MREG: variants seen among roughly 807,000 people sequenced by gnomAD.
MREG encodes the protein dilute suppressor protein homolog.
In MREG, 31 loss-of-function variants were observed where a neutral mutation model predicts 28.5. The observed-to-expected ratio is 1.09, with a 90% CI of 0.82 to 1.47. The LOEUF is 1.47. Among genes scored for constraint, MREG ranks in the 40% most tolerant of loss-of-function variants. The probability of loss-of-function intolerance (pLI) is 0.00; values close to 1 mark genes in which losing one functional copy is unlikely to be tolerated. For missense variants in MREG, 256 were observed against 257.4 expected, an observed-to-expected ratio of 0.99 and a Z score of 0.04; for synonymous variants, 106 against 95.2, an observed-to-expected ratio of 1.11 and a Z score of -0.66.
upstream of MREG, among the ~76,000 whole-genome samples, chr2:216,014,678 T>G (rs960449854): frequency 2.6e-5 from 4 of 151,918 alleles, no homozygotes; most frequent in African/African-American, 9.7e-5. Context: ...TAAAGATATA[T>G]ATATCTATTG....
chr2:216,033,408 G>T (rs1236586679), upstream of MREG, among the ~76,000 whole-genome samples: 1 of 152,054 alleles, frequency 6.6e-6, no homozygotes, highest in Non-Finnish European at 1.5e-5. Context: ...TAGAAGCTGG[G>T]ATTCGAACCC....
chr2:216,003,642 T>C (rs1574646327), intron 1 of MREG, among the ~76,000 whole-genome samples: 1 of 152,184 alleles, frequency 6.6e-6, no homozygotes, highest in East Asian at 1.9e-4. Context: ...ACAAGCTCAG[T>C]GTGGTCCCGA....
chr2:215,996,257 T>C, intron 2 of MREG, 49 bp downstream of exon 2: 1 of 1,531,648 alleles, frequency 6.5e-7, no homozygotes, highest in Non-Finnish European at 8.8e-7. Flanking sequence ...TTACTATTTT[T>C]TACTATATAG....
intron 2 of MREG, among the ~76,000 whole-genome samples, chr2:215,961,733 C>A (rs537070571): frequency 6.6e-6 from 1 of 152,114 alleles, no homozygotes; most frequent in Non-Finnish European, 1.5e-5. Context: ...AGCCTCTCCT[C>A]CTTTTTGACC....
At chr2:215,968,378 GTT>G (rs1693002137) in intron 2 of MREG, among the ~76,000 whole-genome samples, 1 of 152,170 alleles carries the variant, frequency 6.6e-6, no homozygotes, top group Non-Finnish European at 1.5e-5. Context: ...TTTTTCAAAT[GTT>G]GCCTCACAAC....
chr2:215,951,019 C>G (rs965257678), intron 2 of MREG, among the ~76,000 whole-genome samples: 1 of 152,052 alleles, frequency 6.6e-6, no homozygotes, highest in African/African-American at 2.4e-5. Flanking sequence ...GTCTCTTTCT[C>G]TCTCTCTCTC....
upstream of MREG, among the ~76,000 whole-genome samples, chr2:216,015,438 G>T (rs1341535305): frequency 6.6e-6 from 1 of 152,146 alleles, no homozygotes; most frequent in African/African-American, 2.4e-5. Context: ...GAGAGAAGGG[G>T]GCCATGGAAA....
chr2:215,950,942 TAG>T (rs1165964827), intron 2 of MREG, among the ~76,000 whole-genome samples: 2 of 152,186 alleles, frequency 1.3e-5, no homozygotes, highest in Non-Finnish European at 2.9e-5. Context: ...TGTCTCGTGA[TAG>T]AGTTTTCACA....
chr2:215,945,621 T>C lies in MREG; in HGVS notation c.460A>G (p.Asn154Asp). The part of the protein sequence containing the change: ...EMLLKLAEET[N>D]IFPTSWELSE... ...AGCTCCCAACTTGTTGGGAAAATAT[T>C]GGTTTCTTCAGCCAGTTTTAACAAC... Residue 154 changes from asparagine (N) to aspartate (D), a missense_variant, in exon 4 of 5, where the codon AAT becomes GAT. Coordinates refer to ENST00000263268, the MANE Select transcript of MREG (RefSeq NM_018000.3). The C allele has an allele frequency of 6.2e-7, 1 of 1,613,966 alleles. No individual in the cohort carries two copies. Among genetic ancestry groups the C allele is most frequent in the Non-Finnish European group, 8.5e-7 (1 of 1,179,864 alleles).
intron 2 of MREG, among the ~76,000 whole-genome samples, chr2:215,995,778 TAG>T (rs954825063): frequency 2.0e-5 from 3 of 152,192 alleles, no homozygotes; most frequent in Non-Finnish European, 4.4e-5. Context: ...ACTTTGGATT[TAG>T]AGTTATTGTG....
Position 215,945,747 on chromosome 2 carries a change from A to G in MREG, c.347-13T>C, listed in dbSNP as rs1461504470. On this transcript the variant is annotated splice_polypyrimidine_tract_variant and intron_variant, in intron 3 of 4. Transcript: ENST00000263268. ...TCCTTTTGAAAACCTAAGGTAGAAA[A>G]ATGGACCACTCATGTAAAGTAGTCC... 4 of 1,609,750 alleles carry G rather than the reference A, an allele frequency of 2.5e-6. No homozygotes were observed. Among genetic ancestry groups the G allele is most frequent in the Non-Finnish European group, 3.4e-6 (4 of 1,177,606 alleles).
chr2:215,991,812 C>T (rs536196162), intron 2 of MREG, among the ~76,000 whole-genome samples: 39 of 152,266 alleles, frequency 2.6e-4, no homozygotes, highest in African/African-American at 8.4e-4. Flanking sequence ...TGGATAAATT[C>T]CCGGACACAT....
At chr2:215,951,510 A>G (rs1266222164) in intron 2 of MREG, among the ~76,000 whole-genome samples, 2 of 152,196 alleles carry the variant, frequency 1.3e-5, no homozygotes, top group Non-Finnish European at 2.9e-5. Flanking sequence ...TTTTTCCTTA[A>G]TTTCTGAAAT....
chr2:216,007,742 C>CTTT lies in MREG; in HGVS notation c.95+5488_95+5490dup, dbSNP rs35798836. Among the ~76,000 whole-genome samples, 571 of 148,952 alleles carry CTTT rather than the reference C, an allele frequency of 3.8e-3. 3 individuals carry two copies. Among genetic ancestry groups the CTTT allele is most frequent in the East Asian group, 0.012 (60 of 5,090 alleles). ...ACTGCACCCAACCCCCACTTAGCGG[C>CTTT]TTTTTTTTTGCATTTTTGTACTTTT... On this transcript the variant is annotated intron_variant, in intron 1 of 4. Transcript: ENST00000263268.
At chr2:215,970,572 C>A (rs959846750) in intron 2 of MREG, among the ~76,000 whole-genome samples, 2 of 152,190 alleles carry the variant, frequency 1.3e-5, no homozygotes, top group Non-Finnish European at 2.9e-5. Context: ...GTCTCTTACT[C>A]ATCTGCACAG....
At chr2:215,979,600 A>G (rs1693364264) in intron 2 of MREG, among the ~76,000 whole-genome samples, 1 of 151,970 alleles carries the variant, frequency 6.6e-6, no homozygotes, top group South Asian at 2.1e-4. Context: ...AACAGCATTG[A>G]CACCAAGTAA....
chr2:216,023,297 A>T (rs1694552249), intron 1 of MREG, among the ~76,000 whole-genome samples: 1 of 152,238 alleles, frequency 6.6e-6, no homozygotes, highest in Admixed American at 6.5e-5. Flanking sequence ...AAGGATCTCA[A>T]ATAGGTTCTA....
chr2:215,976,475 C>T (rs529147187), intron 2 of MREG, among the ~76,000 whole-genome samples: 1 of 152,200 alleles, frequency 6.6e-6, no homozygotes, highest in East Asian at 1.9e-4. Context: ...TCAGAAATCA[C>T]CATCTACCAC....
intron 2 of MREG, among the ~76,000 whole-genome samples, chr2:215,961,412 C>T (rs1292418711): frequency 3.3e-5 from 5 of 152,044 alleles, no homozygotes; most frequent in East Asian, 1.9e-4. Flanking sequence ...ATCAGATTCA[C>T]ATGCAGGCCC....
Sources: gnomAD v4.1 joint callset for allele counts (sites outside exome capture counted in the v4.1 genomes callset) on GRCh38, gnomAD v4.1.1 for gene constraint, MANE v1.5 for transcripts, NCBI Gene and HGNC (gene_info 2026-07-23, HGNC 2026-07-21) for gene names.